The following ZNF516 variants were observed in gnomAD, a reference collection of about 807,000 sequenced individuals.
The protein encoded by ZNF516 is zinc finger protein 516.
A neutral mutation model predicts 79.7 loss-of-function variants in ZNF516; 19 were observed. That is an observed-to-expected ratio of 0.24 (90% confidence interval 0.17 to 0.35). The LOEUF (loss-of-function observed/expected upper bound fraction) is 0.35. Among genes scored for constraint, ZNF516 ranks in the 10% least tolerant of loss-of-function variants. The probability of loss-of-function intolerance (pLI) is 1.00; values close to 1 mark genes in which losing one functional copy is unlikely to be tolerated. For synonymous variants in ZNF516, 877 were observed against 739.5 expected (o/e 1.19, Z -3.02); for missense variants, 1,678 against 1,679.5 (o/e 1.00, Z 0.02).
At chr18:76,410,858 A>AG (rs1265185491) in intron 3 of ZNF516, among the ~76,000 whole-genome samples, 62 of 152,304 alleles carry the variant, frequency 4.1e-4, no homozygotes, top group African/African-American at 1.5e-3. Context: ...CTCAGGTTAT[A>AG]GCCAATTAAA....
chr18:76,423,569 T>TA (rs2075539042), intron 3 of ZNF516, among the ~76,000 whole-genome samples: 1 of 117,398 alleles, frequency 8.5e-6, no homozygotes, highest in Non-Finnish European at 1.7e-5. Context: ...GTGAAAAGGC[T>TA]CCCCCGAAAC....
At position 76,488,583 on chromosome 18, in the gene ZNF516, G is replaced by A. The variant is rs142736957; in HGVS notation, c.-272+6561C>T. On this transcript the variant is annotated intron_variant, in intron 1 of 6. Coordinates refer to ENST00000443185, the MANE Select transcript of ZNF516 (RefSeq NM_014643.4). ...GCATTTTTGAAAGAACTAATTGAGTGTGTCAGAATAGCTTTATCCAAGCAC... is the reference window on the plus strand; with the variant it reads ...GCATTTTTGAAAGAACTAATTGAGTATGTCAGAATAGCTTTATCCAAGCAC... Among the ~76,000 whole-genome samples the A allele has an allele frequency of 2.5e-3, 387 of 152,208 alleles. 2 individuals carry two copies. Among genetic ancestry groups the A allele is most frequent in the Middle Eastern group, 0.017 (5 of 294 alleles).
chr18:76,479,580 C>T (rs182098076), intron 1 of ZNF516, among the ~76,000 whole-genome samples: 1 of 152,352 alleles, frequency 6.6e-6, no homozygotes, highest in East Asian at 1.9e-4. Flanking sequence ...GGCCAGAAGT[C>T]ACACCACATG....
At position 76,442,383 on chromosome 18, in the gene ZNF516, G is replaced by C. The variant is rs745356357; in HGVS notation, c.672C>G (p.Ile224Met). 1.9e-6 allele frequency: 3 copies of C among 1,608,948 alleles called. No homozygotes were observed. Among genetic ancestry groups the C allele is most frequent in the South Asian group, 2.2e-5 (2 of 91,054 alleles). ...SLLSHIERDH[I>M]TAQGPGSGEA... ...CGCCGCTGCCGGGCCCCTGCGCGGT[G>C]ATGTGGTCCCTCTCGATGTGGCTCA... The change falls in exon 3 of 7, where the codon ATC (isoleucine) becomes ATG (methionine). Residue 224 changes from isoleucine (I) to methionine (M), a missense_variant. Coordinates refer to ENST00000443185, the MANE Select transcript of ZNF516 (RefSeq NM_014643.4).
chr18:76,418,116 T>G (rs1568274679), intron 3 of ZNF516, among the ~76,000 whole-genome samples: 2 of 152,270 alleles, frequency 1.3e-5, no homozygotes, highest in East Asian at 1.9e-4. Flanking sequence ...GACTGTAACA[T>G]ACTGTAACAC....
intron 4 of ZNF516, among the ~76,000 whole-genome samples, chr18:76,371,950 C>G (rs1375322139): frequency 6.6e-6 from 1 of 152,230 alleles, no homozygotes; most frequent in Non-Finnish European, 1.5e-5. Flanking sequence ...AGAGACGAGG[C>G]TCATGGAAAA....
At chr18:76,402,375 C>T (rs545470734) in intron 3 of ZNF516, among the ~76,000 whole-genome samples, 6 of 147,700 alleles carry the variant, frequency 4.1e-5, no homozygotes, top group African/African-American at 1.5e-4. Flanking sequence ...GCCCCTTCAG[C>T]TTTACCATCC....
rs147242486 is a variant in ZNF516, at chr18:76,473,618, G to A, written c.-271-10477C>T. On this transcript the variant is annotated intron_variant, in intron 1 of 6. Transcript: ENST00000443185. ...AGATGGAGACCATCCTAGCTAACACGGTGAAACCCTGTCTCTACTAAAAAT... is the reference window on the plus strand; with the variant it reads ...AGATGGAGACCATCCTAGCTAACACAGTGAAACCCTGTCTCTACTAAAAAT... Among the ~76,000 whole-genome samples the A allele has an allele frequency of 9.5e-3, 1,446 of 152,028 alleles. 15 individuals carry two copies. Among genetic ancestry groups the A allele is most frequent in the South Asian group, 0.039 (188 of 4,816 alleles).
chr18:76,493,103 T>G lies in ZNF516; in HGVS notation c.-272+2041A>C, dbSNP rs1332227661. On this transcript the variant is annotated intron_variant, in intron 1 of 6. Coordinates refer to ENST00000443185, the MANE Select transcript of ZNF516 (RefSeq NM_014643.4). This position sits in a 1 kb window ranked among gnomAD's most constrained non-coding sequence, Gnocchi z 5.2. ...ACTTCGCAAAGCTGTTTCCTTTTTT[T>G]TTTTTCCTCCTCTCCTCCCTACCGT... The G allele has an allele frequency of 1.0e-6, 1 of 984,724 alleles. No individual in the cohort carries two copies. The highest frequency in any genetic ancestry group is 1.1e-4 in the East Asian group (1 of 8,824). The allele number at this position is 984,724 out of a possible 1,614,324, so 61.0% of individuals were successfully genotyped here.
intron 3 of ZNF516, among the ~76,000 whole-genome samples, chr18:76,423,393 G>A (rs2075534710): frequency 6.6e-6 from 1 of 152,232 alleles, no homozygotes; most frequent in Non-Finnish European, 1.5e-5. Context: ...CAAAACATAT[G>A]CTGGCAGGAG....
At position 76,460,070 on chromosome 18, in the gene ZNF516, C is replaced by T. The variant is rs3794929; in HGVS notation, c.-158+2958G>A. Among the ~76,000 whole-genome samples the T allele has an allele frequency of 1.5e-3, 230 of 152,318 alleles. 1 individual carries two copies. The highest frequency in any genetic ancestry group is 0.012 in the South Asian group (60 of 4,822). On this transcript the variant is annotated intron_variant, in intron 2 of 6. Coordinates refer to ENST00000443185, the MANE Select transcript of ZNF516 (RefSeq NM_014643.4). ...AAAACACCGCACTGCATTTCTGGACCAGGACTCGTTCTGTTGGAATGTGCC... is the reference window on the plus strand; with the variant it reads ...AAAACACCGCACTGCATTTCTGGACTAGGACTCGTTCTGTTGGAATGTGCC...
At chr18:76,486,474 T>C (rs1914839658) in intron 1 of ZNF516, among the ~76,000 whole-genome samples, 1 of 152,208 alleles carries the variant, frequency 6.6e-6, no homozygotes, top group Non-Finnish European at 1.5e-5. Context: ...TTTTAATTCT[T>C]AGCCATTAAC....
At position 76,487,632 on chromosome 18, in the gene ZNF516, T is replaced by C. The variant is rs1914906009; in HGVS notation, c.-272+7512A>G. Among the ~76,000 whole-genome samples the C allele has an allele frequency of 2.0e-5, 3 of 152,096 alleles. No homozygotes were observed. In the South Asian group the frequency reaches 6.2e-4, roughly 31 times the overall value. On this transcript the variant is annotated intron_variant, in intron 1 of 6. Transcript: ENST00000443185. ...GACATGATTCTTTTCTTACAATAGG[T>C]TTGTGCCTTTTCAAAATTCCTGAAA...
At chr18:76,403,863 C>G (rs999837145) in intron 3 of ZNF516, among the ~76,000 whole-genome samples, 1 of 152,166 alleles carries the variant, frequency 6.6e-6, no homozygotes, top group African/African-American at 2.4e-5. Context: ...TAATGAAATA[C>G]TTATGATTTT....
chr18:76,493,093 T>G lies in ZNF516; in HGVS notation c.-272+2051A>C. On this transcript the variant is annotated intron_variant, in intron 1 of 6. Coordinates refer to ENST00000443185, the MANE Select transcript of ZNF516 (RefSeq NM_014643.4). This position sits in a 1 kb window ranked among gnomAD's most constrained non-coding sequence, Gnocchi z 5.2. ...GGGCAGGGAGACTTCGCAAAGCTGTTTCCTTTTTTTTTTTTCCTCCTCTCC... is the reference window on the plus strand; with the variant it reads ...GGGCAGGGAGACTTCGCAAAGCTGTGTCCTTTTTTTTTTTTCCTCCTCTCC... 2 of 982,908 alleles carry G rather than the reference T, an allele frequency of 2.0e-6. No individual in the cohort carries two copies. The highest frequency in any genetic ancestry group is 2.4e-6 in the Non-Finnish European group (2 of 829,382). The allele number at this position is 982,908 out of a possible 1,614,324, so 60.9% of individuals were successfully genotyped here. A position where few individuals can be genotyped will look rare whatever the true frequency, so the allele number is the denominator to read the frequency against.
At chr18:76,487,915 C>G (rs1914924124) in intron 1 of ZNF516, 1 of 985,220 alleles carries the variant, frequency 1.0e-6, no homozygotes, top group African/African-American at 1.7e-5. Flanking sequence ...ATGAGAGCCC[C>G]CAGGAGGGGA....
intron 4 of ZNF516, among the ~76,000 whole-genome samples, chr18:76,373,541 C>T (rs755609158): frequency 1.3e-5 from 2 of 152,290 alleles, no homozygotes; most frequent in South Asian, 2.1e-4. Context: ...CTAATGATGA[C>T]GACATGCAAT....
chr18:76,414,150 A>G lies in ZNF516; in HGVS notation c.1810+27095T>C, dbSNP rs139736581. On this transcript the variant is annotated intron_variant, in intron 3 of 6. Coordinates refer to ENST00000443185, the MANE Select transcript of ZNF516 (RefSeq NM_014643.4). Reference sequence around the variant, plus strand: ...ATATAGATTCCTATGTATTTACATTAAATTAGTGAAATCCTTCATTGTTGT... The same window carrying G: ...ATATAGATTCCTATGTATTTACATTGAATTAGTGAAATCCTTCATTGTTGT... 5.6e-3 allele frequency among the ~76,000 whole-genome samples: 859 copies of G among 152,346 alleles called. 2 individuals are homozygous for G. Among genetic ancestry groups the G allele is most frequent in the Non-Finnish European group, 8.9e-3 (607 of 68,026 alleles).
At chr18:76,415,128 G>A (rs970533675) in intron 3 of ZNF516, among the ~76,000 whole-genome samples, 19 of 152,322 alleles carry the variant, frequency 1.2e-4, no homozygotes, top group Admixed American at 9.1e-4. Context: ...AACCCAAGAA[G>A]TGAAGGTTGC....
Sources: allele counts gnomAD v4.1 joint callset (sites outside exome capture counted in the v4.1 genomes callset), GRCh38; gene constraint gnomAD v4.1.1; non-coding constraint Gnocchi (gnomAD v3.1); transcripts MANE v1.5; gene names NCBI Gene and HGNC (gene_info 2026-07-23, HGNC 2026-07-21).